ADGRL3: variants seen among roughly 807,000 people sequenced by gnomAD.
ADGRL3 encodes the protein calcium-independent alpha-latrotoxin receptor 3.
A neutral mutation model predicts 153.5 loss-of-function variants in ADGRL3; 62 were observed. The ratio of observed to expected loss-of-function variants is 0.40; its 90% confidence interval spans 0.33 to 0.50. ADGRL3 has a LOEUF of 0.50. ADGRL3 is among the 20% of genes least tolerant of loss of function. The pLI is 0.47. For synonymous variants in ADGRL3, 710 were observed against 672.5 expected (o/e 1.06, Z -0.86); for missense variants, 1,641 against 1,859.4 (o/e 0.88, Z 2.16).
At chr4:61,658,376 A>G (rs1168045689) in intron 5 of ADGRL3, among the ~76,000 whole-genome samples, 1 of 152,120 alleles carries the variant, frequency 6.6e-6, no homozygotes, top group African/African-American at 2.4e-5. Flanking sequence ...GTGATTCCAT[A>G]TAATCAGCTA....
chr4:61,289,331 A>G (rs1428516234), intron 1 of ADGRL3, among the ~76,000 whole-genome samples: 1 of 152,046 alleles, frequency 6.6e-6, no homozygotes, highest in Non-Finnish European at 1.5e-5. Flanking sequence ...GTTTCATACC[A>G]TCTTTCTCCT....
chr4:61,556,117 G>T (rs531333018), intron 4 of ADGRL3, among the ~76,000 whole-genome samples: 1 of 152,258 alleles, frequency 6.6e-6, no homozygotes, highest in Admixed American at 6.5e-5. Flanking sequence ...ACACGCCTCT[G>T]ACAGGAGCAG....
At chr4:61,784,291 C>G (rs535212804) in intron 8 of ADGRL3, among the ~76,000 whole-genome samples, 1 of 152,246 alleles carries the variant, frequency 6.6e-6, no homozygotes, top group South Asian at 2.1e-4. Flanking sequence ...AAATCTAACA[C>G]AGCTAAATGT....
chr4:61,321,304 T>C (rs999311958), intron 1 of ADGRL3, among the ~76,000 whole-genome samples: 9 of 152,072 alleles, frequency 5.9e-5, no homozygotes, highest in African/African-American at 9.7e-5. Flanking sequence ...ATCACCTAAG[T>C]TGGTAGTCCC....
In ADGRL3 at chr4:62,077,016, GC is replaced by G. The variant is rs1747372369; in HGVS notation, c.*6109del. On this transcript the variant is annotated 3_prime_UTR_variant, in exon 27 of 27. Coordinates refer to ENST00000683033, the MANE Select transcript of ADGRL3 (RefSeq NM_001387552.1). Reference sequence around the variant, plus strand: ...TTGAGACTGAACAAATAACCACTCTGCTCCAAATATTACTCTCAAGTTCTCT... The same window carrying G: ...TTGAGACTGAACAAATAACCACTCTGTCCAAATATTACTCTCAAGTTCTCT... The G allele has an allele frequency of 6.6e-6, 1 of 151,564 alleles. No homozygotes were observed. Among genetic ancestry groups the G allele is most frequent in the Non-Finnish European group, 1.5e-5 (1 of 67,772 alleles). 9.4% of individuals were successfully genotyped at this position (151,564 alleles called of 1,614,324 possible).
intron 2 of ADGRL3, among the ~76,000 whole-genome samples, chr4:61,403,423 T>A (rs145143420): frequency 6.6e-6 from 1 of 152,148 alleles, no homozygotes; most frequent in East Asian, 1.9e-4. Flanking sequence ...AAATCATGCC[T>A]ACTTAGTGAA....
intron 2 of ADGRL3, among the ~76,000 whole-genome samples, chr4:61,416,476 GA>G (rs1344206946): frequency 6.6e-6 from 1 of 152,022 alleles, no homozygotes; most frequent in African/African-American, 2.4e-5. Context: ...TTGTAGTAAA[GA>G]AAAAAGGACA....
intron 9 of ADGRL3, among the ~76,000 whole-genome samples, chr4:61,869,174 G>A (rs1385118425): frequency 6.6e-6 from 1 of 152,062 alleles, no homozygotes; most frequent in Non-Finnish European, 1.5e-5. Context: ...GAACTCCTGG[G>A]CTCAAGCCAC....
At chr4:61,501,510 C>A (rs1410771413) in intron 3 of ADGRL3, among the ~76,000 whole-genome samples, 2 of 152,168 alleles carry the variant, frequency 1.3e-5, no homozygotes, top group African/African-American at 4.8e-5. Context: ...GGAAAGAAAT[C>A]TTTTTCTACT....
chr4:61,805,715 C>G (rs1263012567), intron 8 of ADGRL3, among the ~76,000 whole-genome samples: 3 of 151,936 alleles, frequency 2.0e-5, no homozygotes. Context: ...TTGCCCCCTA[C>G]CTAATAATTG....
intron 2 of ADGRL3, among the ~76,000 whole-genome samples, chr4:61,429,917 A>C (rs990988516): frequency 6.6e-6 from 1 of 152,112 alleles, no homozygotes; most frequent in Non-Finnish European, 1.5e-5. Flanking sequence ...GGTAGTTTTT[A>C]ATTAGAAATA....
chr4:61,532,564 G>GTGTGTA (rs1334298055), intron 4 of ADGRL3, among the ~76,000 whole-genome samples: 2 of 150,358 alleles, frequency 1.3e-5, no homozygotes, highest in Non-Finnish European at 3.0e-5. Flanking sequence ...GCGTGTGTGT[G>GTGTGTA]TGTGTGTGTG....
At chr4:61,415,157 G>T (rs1004295395) in intron 2 of ADGRL3, among the ~76,000 whole-genome samples, 20 of 151,742 alleles carry the variant, frequency 1.3e-4, no homozygotes, top group Admixed American at 7.9e-4. Flanking sequence ...ATTAGTTCAG[G>T]AATGTCTATT....
chr4:61,343,804 C>T (rs1299081764), intron 1 of ADGRL3, among the ~76,000 whole-genome samples: 1 of 152,184 alleles, frequency 6.6e-6, no homozygotes, highest in Non-Finnish European at 1.5e-5. Context: ...ACCTATTTGC[C>T]TACTGAGCTT....
intron 2 of ADGRL3, among the ~76,000 whole-genome samples, chr4:61,453,151 G>T (rs2097694702): frequency 6.6e-6 from 1 of 152,134 alleles, no homozygotes. Context: ...AAGGTTGATT[G>T]TGAAACATTT....
chr4:61,496,958 C>T (rs1278534597), intron 2 of ADGRL3, among the ~76,000 whole-genome samples, 163 bp from the exon 3 acceptor site: 2 of 148,324 alleles, frequency 1.3e-5, no homozygotes, highest in African/African-American at 5.0e-5. Context: ...AAAAAAAAAT[C>T]AGTATATTTC....
chr4:61,750,768 C>T (rs1223782713), intron 8 of ADGRL3, among the ~76,000 whole-genome samples: 3 of 140,644 alleles, frequency 2.1e-5, no homozygotes, highest in Admixed American at 1.5e-4. Flanking sequence ...CCAGCCTGGG[C>T]GACAGAGCGA....
chr4:62,019,444 C>A (rs1372461300), intron 21 of ADGRL3, among the ~76,000 whole-genome samples: 2 of 151,928 alleles, frequency 1.3e-5, no homozygotes, highest in Non-Finnish European at 2.9e-5. Context: ...TGTCATTTGG[C>A]TTAGAATATG....
At chr4:61,533,694 G>T (rs543411326) in intron 4 of ADGRL3, among the ~76,000 whole-genome samples, 6 of 152,134 alleles carry the variant, frequency 3.9e-5, no homozygotes, top group African/African-American at 1.4e-4. Context: ...TGACCACATG[G>T]AGTAATTTTC....
Sources: allele counts gnomAD v4.1 joint callset (sites outside exome capture counted in the v4.1 genomes callset), GRCh38; gene constraint gnomAD v4.1.1; transcripts MANE v1.5; gene names NCBI Gene and HGNC (gene_info 2026-07-23, HGNC 2026-07-21).